Variants in GTPBP6 observed in about 807,000 individuals in gnomAD.
GTPBP6 encodes putative GTP-binding protein 6.
Under a neutral mutation model 28.9 loss-of-function variants are expected in GTPBP6, and 33 were observed. The ratio of observed to expected loss-of-function variants is 1.14; its 90% confidence interval spans 0.87 to 1.53. The LOEUF (loss-of-function observed/expected upper bound fraction) is 1.53, where lower values mean the gene tolerates loss of function less well. GTPBP6 is among the 40% of genes most tolerant of loss of function. GTPBP6 has a pLI of 0.00. For missense variants in GTPBP6, 507 were observed against 408.3 expected (o/e 1.24, Z -2.08); for synonymous variants, 231 against 192.7 (o/e 1.20, Z -1.65).
chrX:306,605 T>G (rs1049552706), intron 9 of GTPBP6, among the ~76,000 whole-genome samples: 1 of 151,600 alleles, frequency 6.6e-6, no homozygotes, highest in Non-Finnish European at 1.5e-5. Flanking sequence ...AGGCACCTGT[T>G]GTATGCAGTC....
At chrX:308,208 C>T (rs751557996) in intron 7 of GTPBP6, among the ~76,000 whole-genome samples, 21 of 152,242 alleles carry the variant, frequency 1.4e-4, no homozygotes, top group African/African-American at 5.1e-4. Context: ...TTTAGGGCGG[C>T]TTCATCCTCC....
intron 2 of GTPBP6, 137 bp from the exon 3 acceptor site, chrX:315,436 C>A: frequency 2.5e-6 from 1 of 398,218 alleles, no homozygotes; most frequent in Non-Finnish European, 4.4e-6. Context: ...AGCACGAGAC[C>A]CGGGATCCAG....
chrX:316,938 T>C, exon 2 of GTPBP6: 1 of 398,646 alleles, frequency 2.5e-6, no homozygotes, highest in South Asian at 1.3e-4. Flanking sequence ...AAGTTCCCTT[T>C]GCCAAAGATG....
rs368703051 is a variant in GTPBP6, at chrX:311,652, G to A, written c.917-25C>T. 4,562 of 1,564,366 alleles carry A rather than the reference G, an allele frequency of 2.9e-3. 12 individuals are homozygous for A. Among genetic ancestry groups the A allele is most frequent in the Non-Finnish European group, 3.3e-3 (3,759 of 1,136,468 alleles). ...CCTAGGAGGGCGTGGAGGTCAGGGCGCTGCAGAGATCCCTGCGTCCCAACT... is the reference window on the plus strand; with the variant it reads ...CCTAGGAGGGCGTGGAGGTCAGGGCACTGCAGAGATCCCTGCGTCCCAACT... On this transcript the variant is annotated intron_variant, in intron 6 of 9. Coordinates refer to ENST00000326153, the Ensembl canonical transcript of GTPBP6.
At chrX:317,564 G>GGGGTGGGGGTGGGGGTGGGGGGT (rs1395144289) in intron 1 of GTPBP6, among the ~76,000 whole-genome samples, 1 of 94,556 alleles carries the variant, frequency 1.1e-5, no homozygotes, top group Non-Finnish European at 1.9e-5. Context: ...CTGGGGGGTG[G>GGGGTGGGGGTGGGGGTGGGGGGT]GGGGTGGGAC....
At chrX:315,078 A>G (rs2070404553) in intron 3 of GTPBP6, 58 bp from the exon 4 acceptor site, 1 of 398,610 alleles carries the variant, frequency 2.5e-6, no homozygotes, top group African/African-American at 2.1e-5. Flanking sequence ...CTGGTGGCCA[A>G]TGTGAGAGGA....
intron 9 of GTPBP6, among the ~76,000 whole-genome samples, chrX:305,689 A>G (rs1202187464): frequency 6.8e-6 from 1 of 146,858 alleles, no homozygotes; most frequent in Non-Finnish European, 1.5e-5. Context: ...CAGTGGCACG[A>G]TCTTGGCTCA....
At chrX:318,355 T>G (rs1420036038) in intron 1 of GTPBP6, 84 bp downstream of exon 1, 18 of 372,770 alleles carry the variant, frequency 4.8e-5, no homozygotes, top group Admixed American at 9.7e-5. Flanking sequence ...CCCCTGAATC[T>G]CCACCTATGA....
At chrX:310,780 G>T (rs1262882309) in intron 7 of GTPBP6, among the ~76,000 whole-genome samples, 6 of 152,076 alleles carry the variant, frequency 3.9e-5, no homozygotes, top group African/African-American at 1.4e-4. Flanking sequence ...AACTGTGGTA[G>T]AGCTGGTTCC....
intron 9 of GTPBP6, among the ~76,000 whole-genome samples, chrX:306,531 T>C (rs1203012501): frequency 1.4e-5 from 2 of 146,780 alleles, no homozygotes; most frequent in Non-Finnish European, 3.0e-5. Context: ...GTACATTTTG[T>C]CAGCACAGAT....
At chrX:305,161 G>A (rs765217365) in exon 10 of GTPBP6, 39 of 1,613,524 alleles carry the variant, frequency 2.4e-5, no homozygotes, top group South Asian at 7.7e-5. Context: ...CAGGGATCAC[G>A]TCCACCTCCT....
At chrX:314,057 C>T (rs1423865803) in intron 5 of GTPBP6, 93 bp downstream of exon 5, 1 of 978,382 alleles carries the variant, frequency 1.0e-6, no homozygotes, top group Non-Finnish European at 1.6e-6. Flanking sequence ...CTGGACCCCA[C>T]CCTGTTGGAA....
At chrX:315,428 C>T (rs2070411610) in intron 2 of GTPBP6, 129 bp from the exon 3 acceptor site, 1 of 398,300 alleles carries the variant, frequency 2.5e-6, no homozygotes, top group Admixed American at 4.4e-5. Context: ...ACTTCCTGAG[C>T]ACGAGACCCG....
At chrX:309,022 G>A (rs1470643382) in intron 7 of GTPBP6, among the ~76,000 whole-genome samples, 1 of 152,130 alleles carries the variant, frequency 6.6e-6, no homozygotes, top group East Asian at 1.9e-4. Flanking sequence ...ACCACACCCG[G>A]TCCATAATTT....
At chrX:309,538 T>A (rs2070241554) in intron 7 of GTPBP6, among the ~76,000 whole-genome samples, 1 of 152,080 alleles carries the variant, frequency 6.6e-6, no homozygotes, top group Admixed American at 6.6e-5. Context: ...TTTGCAGATG[T>A]AGTTAAGATG....
At chrX:315,874 GACACAC>G (rs1162125219) in intron 2 of GTPBP6, among the ~76,000 whole-genome samples, 1 of 5,608 alleles carries the variant, frequency 1.8e-4, no homozygotes. Context: ...TACACATGCA[GACACAC>G]ACACACACAC....
chrX:311,093 G>A (rs1042234671), intron 7 of GTPBP6, among the ~76,000 whole-genome samples: 4 of 152,054 alleles, frequency 2.6e-5, no homozygotes, highest in Non-Finnish European at 5.9e-5. Flanking sequence ...GGTGAGGCTG[G>A]GGCAACCGCT....
intron 7 of GTPBP6, among the ~76,000 whole-genome samples, chrX:308,677 C>A (rs2124450178): frequency 6.6e-6 from 1 of 151,106 alleles, no homozygotes; most frequent in Admixed American, 6.6e-5. Flanking sequence ...GAGACCCTGT[C>A]TCTAAAGAAG....
chrX:318,053 C>G (rs1285074278), intron 1 of GTPBP6, among the ~76,000 whole-genome samples: 3 of 148,760 alleles, frequency 2.0e-5, no homozygotes, highest in Non-Finnish European at 4.5e-5. Context: ...GCCTGGCCCC[C>G]TGAAGCCCCG....
Sources: allele counts gnomAD v4.1 joint callset (sites outside exome capture counted in the v4.1 genomes callset), GRCh38; gene constraint gnomAD v4.1.1; transcripts MANE v1.5; gene names NCBI Gene and HGNC (gene_info 2026-07-23, HGNC 2026-07-21).